Variants in TBL1XR1 observed in about 807,000 individuals in gnomAD.
The protein encoded by TBL1XR1 is TBL1X/Y related 1.
A neutral mutation model predicts 66.9 loss-of-function variants in TBL1XR1; 5 were observed. That is an observed-to-expected ratio of 0.07 (90% confidence interval 0.04 to 0.16). The LOEUF is 0.16. TBL1XR1 is among the 10% of genes least tolerant of loss of function. The probability of loss-of-function intolerance (pLI) is 1.00; values close to 1 mark genes in which losing one functional copy is unlikely to be tolerated. For synonymous variants in TBL1XR1, 210 were observed against 206.0 expected (o/e 1.02, Z -0.17); for missense variants, 238 against 623.2 (o/e 0.38, Z 6.58).
At chr3:177,046,256 T>C in intron 9 of TBL1XR1, 67 bp from the exon 10 acceptor site, 2 of 1,151,586 alleles carry the variant, frequency 1.7e-6, no homozygotes, top group South Asian at 1.5e-5. Context: ...GTAAAGTATA[T>C]GCCTAACTGT....
intron 1 of TBL1XR1, among the ~76,000 whole-genome samples, chr3:177,184,361 T>A (rs1020421873): frequency 2.0e-5 from 3 of 152,206 alleles, no homozygotes; most frequent in Non-Finnish European, 4.4e-5. Flanking sequence ...TCAACCACTA[T>A]GAGAACCCCA....
At chr3:177,190,133 CAAAAAAAAAAAAAAA>C (rs548783302) in intron 1 of TBL1XR1, among the ~76,000 whole-genome samples, 1,337 of 69,538 alleles carry the variant, frequency 0.019, 44 homozygotes, top group African/African-American at 0.079. Flanking sequence ...AACTCCATCT[CAAAAAAAAAAAAAAA>C]AAAAAAAAAA....
chr3:177,057,828 G>C (rs1717994055), intron 3 of TBL1XR1, among the ~76,000 whole-genome samples: 1 of 152,152 alleles, frequency 6.6e-6, no homozygotes, highest in Non-Finnish European at 1.5e-5. Context: ...GACTCAGGGA[G>C]AAGAGAGACT....
At chr3:177,142,111 G>A (rs573429494) in intron 1 of TBL1XR1, among the ~76,000 whole-genome samples, 2 of 152,292 alleles carry the variant, frequency 1.3e-5, no homozygotes, top group South Asian at 4.1e-4. Flanking sequence ...ATGAATACTG[G>A]AGACTGATTG....
chr3:177,154,955 A>G (rs1358062506), intron 1 of TBL1XR1, among the ~76,000 whole-genome samples: 1 of 152,226 alleles, frequency 6.6e-6, no homozygotes, highest in Non-Finnish European at 1.5e-5. Flanking sequence ...CTGGCTACAA[A>G]GAAAAGTCCC....
chr3:177,118,820 T>C (rs567012194), intron 1 of TBL1XR1, among the ~76,000 whole-genome samples: 1 of 52,588 alleles, frequency 1.9e-5, no homozygotes, highest in African/African-American at 8.2e-5. Context: ...ACTGAACTTT[T>C]ATAAAATCAA....
intron 2 of TBL1XR1, among the ~76,000 whole-genome samples, chr3:177,095,977 C>G (rs918161921): frequency 2.6e-5 from 4 of 152,134 alleles, no homozygotes; most frequent in African/African-American, 9.7e-5. Flanking sequence ...CAAAATATCA[C>G]ATGTACCCTA....
intron 1 of TBL1XR1, among the ~76,000 whole-genome samples, chr3:177,127,281 A>C (rs1419417198): frequency 1.3e-5 from 2 of 152,234 alleles, no homozygotes; most frequent in Non-Finnish European, 2.9e-5. Context: ...ATAAAACAGC[A>C]CAGAATTGCA....
chr3:177,063,762 A>G (rs1465832215), intron 3 of TBL1XR1, among the ~76,000 whole-genome samples: 4 of 152,206 alleles, frequency 2.6e-5, no homozygotes, highest in Non-Finnish European at 4.4e-5. Context: ...TTCATTATAA[A>G]TTATTCTCTG....
chr3:177,046,237 C>T, intron 9 of TBL1XR1, 48 bp from the exon 10 acceptor site: 2 of 1,378,936 alleles, frequency 1.5e-6, no homozygotes, highest in Non-Finnish European at 2.0e-6. Context: ...AGAAGTTTAA[C>T]ATACATGTGT....
At chr3:177,187,286 C>T (rs982039369) in intron 1 of TBL1XR1, among the ~76,000 whole-genome samples, 2 of 149,754 alleles carry the variant, frequency 1.3e-5, no homozygotes, top group African/African-American at 2.5e-5. Flanking sequence ...CCCAGCTGCT[C>T]GGGAGACTGA....
intron 2 of TBL1XR1, among the ~76,000 whole-genome samples, chr3:177,075,083 G>A (rs185371054): frequency 2.0e-5 from 3 of 152,354 alleles, no homozygotes; most frequent in African/African-American, 7.2e-5. Flanking sequence ...AATTACAACA[G>A]AAACTAATTG....
intron 1 of TBL1XR1, among the ~76,000 whole-genome samples, chr3:177,176,012 T>G (rs1224646691): frequency 6.8e-6 from 1 of 148,012 alleles, no homozygotes; most frequent in Non-Finnish European, 1.5e-5. Flanking sequence ...TGAGCCCACA[T>G]AGCGCCACTG....
chr3:177,064,785 T>A, intron 3 of TBL1XR1, 135 bp downstream of exon 3: 1 of 647,062 alleles, frequency 1.5e-6, no homozygotes, highest in East Asian at 3.1e-5. Context: ...AACATAGCTT[T>A]AAAATGGCAG....
intron 1 of TBL1XR1, among the ~76,000 whole-genome samples, chr3:177,179,253 C>T (rs1734524105): frequency 6.6e-6 from 1 of 152,096 alleles, no homozygotes; most frequent in Non-Finnish European, 1.5e-5. Context: ...TCACAAGTGG[C>T]CACCATGGCT....
intron 2 of TBL1XR1, among the ~76,000 whole-genome samples, chr3:177,079,263 C>A (rs1284484458): frequency 6.6e-6 from 1 of 151,490 alleles, no homozygotes; most frequent in Non-Finnish European, 1.5e-5. Flanking sequence ...AACCCCGTCT[C>A]CACTAAAAAA....
At chr3:177,194,914 C>T (rs568809890) in intron 1 of TBL1XR1, among the ~76,000 whole-genome samples, 4 of 152,186 alleles carry the variant, frequency 2.6e-5, no homozygotes, top group African/African-American at 9.6e-5. Context: ...CATTTACCAC[C>T]AGTGTCTCCC....
At chr3:177,042,318 A>G (rs1486704660) in intron 10 of TBL1XR1, among the ~76,000 whole-genome samples, 2 of 152,316 alleles carry the variant, frequency 1.3e-5, no homozygotes, top group South Asian at 2.1e-4. Flanking sequence ...AAGGCCAAAT[A>G]TATGTCAGGA....
In TBL1XR1 at chr3:177,038,723, T is replaced by C. The variant is rs1445165069; in HGVS notation, c.926-289A>G. Among the ~76,000 whole-genome samples, 4 of 152,314 alleles carry C rather than the reference T, an allele frequency of 2.6e-5. No homozygotes were observed. In the East Asian group the frequency reaches 7.7e-4, roughly 29 times the overall value. ...GAGAGCTGGCTCTGTGGGTCTTGGG[T>C]TCTCTTTTATAAAATGATAAAATTA... On this transcript the variant is annotated intron_variant, in intron 10 of 15. Transcript: ENST00000457928.
Sources: allele counts gnomAD v4.1 joint callset (sites outside exome capture counted in the v4.1 genomes callset), GRCh38; gene constraint gnomAD v4.1.1; transcripts MANE v1.5; gene names NCBI Gene and HGNC (gene_info 2026-07-23, HGNC 2026-07-21).